ANO6: variants seen among roughly 807,000 people sequenced by gnomAD.
The protein encoded by ANO6 is anoctamin 6, also known as anoctamin-6.
Under a neutral mutation model 117.5 loss-of-function variants are expected in ANO6, and 106 were observed. The ratio of observed to expected loss-of-function variants is 0.90; its 90% CI spans 0.77 to 1.06. The LOEUF (loss-of-function observed/expected upper bound fraction) is 1.06, where lower values mean the gene tolerates loss of function less well. Ranked by LOEUF, ANO6 falls within the 50% of genes least tolerant of loss-of-function variation. The pLI is 0.00. For synonymous variants in ANO6, 367 were observed against 385.1 expected, an observed-to-expected ratio of 0.95 and a Z score of 0.55; for missense variants, 955 against 1,121.1, an observed-to-expected ratio of 0.85 and a Z score of 2.12.
At chr12:45,434,586 A>G (rs928439465), downstream of ANO6, among the ~76,000 whole-genome samples, 8 of 152,200 alleles carry the variant, frequency 5.3e-5, no homozygotes, top group African/African-American at 1.9e-4. Flanking sequence ...AAGAGGAAGG[A>G]GGGAGGCAGT....
intron 12 of ANO6, among the ~76,000 whole-genome samples, chr12:45,392,138 C>G (rs1429761724): frequency 6.6e-6 from 1 of 152,140 alleles, no homozygotes; most frequent in East Asian, 1.9e-4. Flanking sequence ...AACGGGACAC[C>G]CCCTGCCCAA....
intron 1 of ANO6, among the ~76,000 whole-genome samples, chr12:45,296,758 T>C (rs1348535097): frequency 2.0e-5 from 3 of 152,230 alleles, no homozygotes; most frequent in Non-Finnish European, 4.4e-5. Flanking sequence ...GTCACTTTGC[T>C]TGGTTAACTT....
At position 45,432,073 on chromosome 12, in the gene ANO6, T is replaced by G; in HGVS notation, c.*2762T>G. The G allele has an allele frequency of 5.1e-6, 5 of 985,416 alleles. No homozygotes were observed. Among genetic ancestry groups the G allele is most frequent in the Non-Finnish European group, 6.0e-6 (5 of 829,926 alleles). The allele number at this position is 985,416 out of a possible 1,614,324, so 61.0% of individuals were successfully genotyped here. On this transcript the variant is annotated 3_prime_UTR_variant, in exon 20 of 20. Transcript: ENST00000320560. ...TGCCTTGAATTTCATAAAACATTAA[T>G]TCACAATGGGGGTCAGAATGTACTC...
intron 1 of ANO6, among the ~76,000 whole-genome samples, chr12:45,262,925 G>C (rs1938089542): frequency 6.6e-6 from 1 of 152,116 alleles, no homozygotes; most frequent in African/African-American, 2.4e-5. Flanking sequence ...TGTCCTTCAG[G>C]ACCTGTTGGA....
At chr12:45,372,234 A>G (rs1941863149) in intron 9 of ANO6, among the ~76,000 whole-genome samples, 1 of 148,736 alleles carries the variant, frequency 6.7e-6, no homozygotes, top group Non-Finnish European at 1.5e-5. Flanking sequence ...TCTACGTCTG[A>G]TTGGTGTACC....
intron 2 of ANO6, among the ~76,000 whole-genome samples, chr12:45,318,496 T>C (rs961858484): frequency 6.6e-6 from 1 of 152,220 alleles, no homozygotes; most frequent in African/African-American, 2.4e-5. Flanking sequence ...TCTGTTTTGG[T>C]ACCAGTACCA....
intron 1 of ANO6, among the ~76,000 whole-genome samples, chr12:45,279,083 T>G (rs901422924): frequency 3.9e-5 from 6 of 152,152 alleles, no homozygotes; most frequent in African/African-American, 1.2e-4. Flanking sequence ...GAGCCTCTGT[T>G]CACTCTTTCC....
intron 17 of ANO6, among the ~76,000 whole-genome samples, chr12:45,420,087 G>T (rs1943318976): frequency 6.6e-6 from 1 of 151,580 alleles, no homozygotes; most frequent in Non-Finnish European, 1.5e-5. Flanking sequence ...ATTAATAAAT[G>T]CTCACACTCT....
intron 1 of ANO6, among the ~76,000 whole-genome samples, chr12:45,243,555 T>G (rs973711635): frequency 3.3e-5 from 5 of 152,130 alleles, no homozygotes; most frequent in Non-Finnish European, 5.9e-5. Context: ...AATTTTTTTT[T>G]TTTAATTTTT....
chr12:45,325,375 G>A (rs1940426086), intron 2 of ANO6, among the ~76,000 whole-genome samples: 1 of 152,180 alleles, frequency 6.6e-6, no homozygotes, highest in African/African-American at 2.4e-5. Flanking sequence ...AGCATGGCTG[G>A]ATATTAAGTC....
At chr12:45,217,116 G>C (rs928518067) in intron 1 of ANO6, among the ~76,000 whole-genome samples, 1 of 152,114 alleles carries the variant, frequency 6.6e-6, no homozygotes, top group African/African-American at 2.4e-5. Flanking sequence ...CGGAGGGAGA[G>C]CTGTTTTAAG....
At chr12:45,372,973 T>C (rs868586699) in intron 9 of ANO6, among the ~76,000 whole-genome samples, 34 of 152,278 alleles carry the variant, frequency 2.2e-4, no homozygotes, top group Admixed American at 1.1e-3. Context: ...ACCCATCTCA[T>C]GTGCAGAGAC....
chr12:45,359,949 A>G (rs577454344), intron 8 of ANO6, among the ~76,000 whole-genome samples: 1 of 152,348 alleles, frequency 6.6e-6, no homozygotes, highest in South Asian at 2.1e-4. Context: ...CTTAAAAAAA[A>G]TTGCCATTCT....
chr12:45,222,180 C>G (rs918305624), intron 1 of ANO6, among the ~76,000 whole-genome samples: 1 of 143,412 alleles, frequency 7.0e-6, no homozygotes, highest in African/African-American at 2.6e-5. Flanking sequence ...CACGCCCGGC[C>G]CCCCCACTCC....
At chr12:45,243,419 A>G (rs187899603) in intron 1 of ANO6, among the ~76,000 whole-genome samples, 6 of 152,234 alleles carry the variant, frequency 3.9e-5, no homozygotes, top group African/African-American at 1.2e-4. Context: ...TAAAATTACC[A>G]CTTTCTTAGT....
At chr12:45,341,989 CT>C (rs775171363) in intron 3 of ANO6, among the ~76,000 whole-genome samples, 1 of 152,036 alleles carries the variant, frequency 6.6e-6, no homozygotes, top group Non-Finnish European at 1.5e-5. Flanking sequence ...ATGCTTAATC[CT>C]TAAAACAATC....
rs761808658 is a variant in ANO6, at chr12:45,378,124, T to G, written c.1165+11T>G. On this transcript the variant is annotated intron_variant, in intron 10 of 19. Transcript: ENST00000320560. The stretch of plus-strand genomic sequence containing the variant: ...TTATGGGAGTATGGGGTAAGTTTTT[T>G]TTTTTTTTTTCATGCACTCAATTTG... 5 of 1,607,864 alleles carry G rather than the reference T, an allele frequency of 3.1e-6. No individual in the cohort carries two copies. The African/African-American group carries it at 6.7e-5, about 22-fold the overall frequency.
At position 45,331,363 on chromosome 12, in the gene ANO6, A is replaced by G. The variant is rs1374739486; in HGVS notation, c.219A>G (p.Leu73=). Residue 73 remains leucine (L), a synonymous_variant, in exon 3 of 20, where the codon CTA becomes CTG. Coordinates refer to ENST00000320560, the MANE Select transcript of ANO6 (RefSeq NM_001025356.3). ...NDGQRRIDFV[L]VYEDESRKET... ...GCCAGCGAAGAATTGACTTTGTTCT[A>G]GTATATGAGGATGAAAGCAGAAAAG... 11 of 1,610,096 alleles carry G rather than the reference A, an allele frequency of 6.8e-6. No individual in the cohort carries two copies. The highest frequency in any genetic ancestry group is 6.8e-6 in the Non-Finnish European group (8 of 1,178,058).
intron 2 of ANO6, 66 bp downstream of exon 2, chr12:45,302,159 A>G: frequency 1.4e-6 from 2 of 1,456,202 alleles, no homozygotes; most frequent in Non-Finnish European, 1.9e-6. Context: ...AAAATGAGAA[A>G]AAAGTTCTTT....
Sources: gnomAD v4.1 joint callset for allele counts (sites outside exome capture counted in the v4.1 genomes callset) on GRCh38, gnomAD v4.1.1 for gene constraint, MANE v1.5 for transcripts, NCBI Gene and HGNC (gene_info 2026-07-23, HGNC 2026-07-21) for gene names.